MLIP: variants seen among roughly 807,000 people sequenced by gnomAD.
The protein encoded by MLIP is muscular LMNA-interacting protein.
In MLIP, 79 loss-of-function variants were observed where a neutral mutation model predicts 84.8. The observed-to-expected ratio is 0.93, with a 90% CI of 0.78 to 1.12. MLIP has a LOEUF of 1.12. Ranked by LOEUF, MLIP falls within the 50% of genes most tolerant of loss-of-function variation. The pLI, the probability that MLIP is intolerant of heterozygous loss-of-function variation, is 0.00. For missense variants in MLIP, 1,257 were observed against 1,160.6 expected, an observed-to-expected ratio of 1.08 and a Z score of -1.21; for synonymous variants, 504 against 463.0, an observed-to-expected ratio of 1.09 and a Z score of -1.14.
At chr6:54,144,645 G>C (rs933226931) in intron 4 of MLIP, among the ~76,000 whole-genome samples, 4 of 152,156 alleles carry the variant, frequency 2.6e-5, no homozygotes, top group African/African-American at 9.7e-5. Context: ...AGTCATACAC[G>C]CTCACCTGCT....
intron 10 of MLIP, among the ~76,000 whole-genome samples, chr6:54,191,937 A>G (rs1777959350): frequency 6.6e-6 from 1 of 151,614 alleles, no homozygotes; most frequent in South Asian, 2.1e-4. Flanking sequence ...TTTTACATAC[A>G]TGTAAGTTCT....
At chr6:54,058,871 GAT>G (rs1200843904) in intron 1 of MLIP, 1 of 152,168 alleles carries the variant, frequency 6.6e-6, no homozygotes, top group African/African-American at 2.4e-5. Flanking sequence ...GATAGAGAGA[GAT>G]AGAAGGAGGA....
chr6:54,091,552 A>C (rs990381124), intron 1 of MLIP, among the ~76,000 whole-genome samples: 1 of 152,172 alleles, frequency 6.6e-6, no homozygotes. Context: ...TCTTGCCTAT[A>C]GGATAGAAGG....
intron 1 of MLIP, among the ~76,000 whole-genome samples, chr6:54,093,180 G>C (rs578245067): frequency 4.6e-5 from 7 of 152,144 alleles, no homozygotes; most frequent in Admixed American, 3.3e-4. Context: ...CCCAGCCCGA[G>C]TTATTGAATC....
intron 9 of MLIP, among the ~76,000 whole-genome samples, chr6:54,177,857 T>C (rs983815707): frequency 4.2e-4 from 64 of 152,278 alleles, no homozygotes; most frequent in African/African-American, 1.5e-3. Flanking sequence ...TGGAATACTA[T>C]GTAGCCATAT....
chr6:54,120,785 C>T (rs1770384719), intron 1 of MLIP, among the ~76,000 whole-genome samples: 1 of 152,040 alleles, frequency 6.6e-6, no homozygotes, highest in South Asian at 2.1e-4. Context: ...CCCTTCATCA[C>T]TGTTCCCTTA....
At chr6:54,179,660 A>G (rs1228721522) in intron 9 of MLIP, among the ~76,000 whole-genome samples, 1 of 152,276 alleles carries the variant, frequency 6.6e-6, no homozygotes, top group African/African-American at 2.4e-5. Context: ...CACTAATTGC[A>G]TAAACAAACA....
intron 12 of MLIP, among the ~76,000 whole-genome samples, chr6:54,234,259 G>A (rs1341017858): frequency 1.3e-5 from 2 of 152,048 alleles, no homozygotes; most frequent in Non-Finnish European, 2.9e-5. Context: ...GCCTCTGAAT[G>A]CCTCCGTTTA....
At chr6:54,178,241 A>T (rs1776500353) in intron 9 of MLIP, among the ~76,000 whole-genome samples, 2 of 152,120 alleles carry the variant, frequency 1.3e-5, no homozygotes, top group South Asian at 2.1e-4. Flanking sequence ...TAAGGAAAAA[A>T]ATTCTGTAGT....
intron 12 of MLIP, among the ~76,000 whole-genome samples, chr6:54,243,601 T>C (rs542637852): frequency 1.3e-5 from 2 of 152,320 alleles, no homozygotes; most frequent in Non-Finnish European, 2.9e-5. Flanking sequence ...ATTTTTTCTT[T>C]TACATATGAA....
chr6:54,217,852 T>C (rs1456720823), intron 11 of MLIP: 1 of 984,526 alleles, frequency 1.0e-6, no homozygotes, highest in Non-Finnish European at 1.2e-6. Context: ...TATTGCATGC[T>C]AAAGCAGGAT....
At chr6:54,214,575 G>T (rs1415779438) in intron 11 of MLIP, among the ~76,000 whole-genome samples, 1 of 152,134 alleles carries the variant, frequency 6.6e-6, no homozygotes, top group Non-Finnish European at 1.5e-5. Flanking sequence ...GATTAATTAT[G>T]TTCTTTTCCA....
intron 11 of MLIP, among the ~76,000 whole-genome samples, chr6:54,214,272 G>T (rs1779695204): frequency 6.6e-6 from 1 of 152,146 alleles, no homozygotes; most frequent in Admixed American, 6.5e-5. Context: ...ACACCCAACA[G>T]CCATTTCTAG....
chr6:54,097,413 C>A (rs1768292633), intron 1 of MLIP, among the ~76,000 whole-genome samples: 1 of 152,104 alleles, frequency 6.6e-6, no homozygotes, highest in African/African-American at 2.4e-5. Context: ...AGTTACATAG[C>A]CATACGTACT....
intron 1 of MLIP, among the ~76,000 whole-genome samples, chr6:54,027,282 T>C (rs1763860000): frequency 6.6e-6 from 1 of 152,058 alleles, no homozygotes; most frequent in East Asian, 1.9e-4. Flanking sequence ...GCCTTAATGT[T>C]TGTATTGAAA....
chr6:54,054,094 T>C (rs1054335795), intron 1 of MLIP, among the ~76,000 whole-genome samples: 7 of 152,152 alleles, frequency 4.6e-5, no homozygotes, highest in Non-Finnish European at 7.4e-5. Flanking sequence ...TATGTACAAG[T>C]TTGCTTTTTT....
chr6:54,056,572 T>C (rs1240280193), intron 1 of MLIP, among the ~76,000 whole-genome samples: 1 of 152,178 alleles, frequency 6.6e-6, no homozygotes, highest in Non-Finnish European at 1.5e-5. Context: ...GAGAATACTT[T>C]TATATTTTCG....
At chr6:54,102,146 G>C (rs1270594382) in intron 1 of MLIP, among the ~76,000 whole-genome samples, 1 of 152,168 alleles carries the variant, frequency 6.6e-6, no homozygotes, top group Non-Finnish European at 1.5e-5. Context: ...AGGTGGACCT[G>C]AGTTCAAATC....
intron 12 of MLIP, among the ~76,000 whole-genome samples, chr6:54,241,081 T>C (rs1453975942): frequency 4.6e-5 from 7 of 151,770 alleles, no homozygotes; most frequent in Non-Finnish European, 7.4e-5. Context: ...TTTTACCTCA[T>C]AGAAAACACT....
Sources: gnomAD v4.1 joint callset for allele counts (sites outside exome capture counted in the v4.1 genomes callset) on GRCh38, gnomAD v4.1.1 for gene constraint, MANE v1.5 for transcripts, NCBI Gene and HGNC (gene_info 2026-07-23, HGNC 2026-07-21) for gene names.